TTC39C: variants seen among roughly 807,000 people sequenced by gnomAD.
The protein encoded by TTC39C is tetratricopeptide repeat domain 39C.
TTC39C carries 33 observed loss-of-function variants against 76.3 expected under a neutral mutation model. The ratio of observed to expected loss-of-function variants is 0.43; its 90% CI spans 0.33 to 0.58. The LOEUF (loss-of-function observed/expected upper bound fraction) is 0.58. TTC39C is among the 20% of genes least tolerant of loss of function. The probability of loss-of-function intolerance (pLI) is 0.04; values close to 1 mark genes in which losing one functional copy is unlikely to be tolerated. For synonymous variants in TTC39C, 254 were observed against 260.6 expected (o/e 0.97, Z 0.24); for missense variants, 595 against 701.4 (o/e 0.85, Z 1.71).
At chr18:24,128,859 G>C in intron 10 of TTC39C, 27 bp from the exon 11 acceptor site, 2 of 1,580,810 alleles carry the variant, frequency 1.3e-6, no homozygotes, top group Non-Finnish European at 1.7e-6. Context: ...TTTGCTTACT[G>C]CTCTGTTCAC....
chr18:24,022,543 C>G (rs1054757550), intron 1 of TTC39C: 1 of 985,062 alleles, frequency 1.0e-6, no homozygotes, highest in Non-Finnish European at 1.2e-6. Context: ...TCTTACAGAA[C>G]TTCTACAGTA....
At chr18:24,050,468 G>A (rs763032250) in intron 1 of TTC39C, among the ~76,000 whole-genome samples, 4 of 150,684 alleles carry the variant, frequency 2.7e-5, no homozygotes, top group African/African-American at 9.8e-5. Flanking sequence ...TACTTGGGAG[G>A]TAGGAGGATG....
chr18:24,113,489 G>A, intron 6 of TTC39C: 2 of 675,018 alleles, frequency 3.0e-6, no homozygotes, highest in Non-Finnish European at 5.4e-6. Flanking sequence ...GGAGGGGGAG[G>A]AAGCATAGAG....
rs1407858601 is a variant in TTC39C, at chr18:24,130,316, T to C, written c.1522T>C (p.Phe508Leu). ...ATAACATTTGCATTCCTTTCAGTAC[T>C]TCCAGCGAGCTGTTAAAGATGAATT... is the stretch of plus-strand genomic sequence containing the variant. Reference protein sequence around the residue: ...LGNSEDAVQYFQRAVKDELCR... With the variant: ...LGNSEDAVQYLQRAVKDELCR... Residue 508 changes from phenylalanine to leucine, a missense_variant, in exon 12 of 14, where the codon TTC becomes CTC. Transcript: ENST00000317571. 1 of 1,556,938 alleles carries C rather than the reference T, an allele frequency of 6.4e-7. No individual in the cohort carries two copies. Among genetic ancestry groups the C allele is most frequent in the East Asian group, 2.3e-5 (1 of 43,254 alleles).
intron 1 of TTC39C, among the ~76,000 whole-genome samples, chr18:24,058,949 C>T (rs2084053920): frequency 6.6e-6 from 1 of 152,048 alleles, no homozygotes. Flanking sequence ...AGATTTTGGC[C>T]ATCTTTTTAG....
At chr18:24,100,594 G>T (rs971221805) in intron 6 of TTC39C, among the ~76,000 whole-genome samples, 4 of 152,254 alleles carry the variant, frequency 2.6e-5, no homozygotes, top group African/African-American at 9.6e-5. Flanking sequence ...TGTGGCCAGA[G>T]TGGAGGGCAT....
Position 24,131,939 on chromosome 18 carries a change from C to G in TTC39C, c.1662+19C>G, listed in dbSNP as rs144630715. Reference sequence around the variant, plus strand: ...AGCAAAGGTAAATATCCTGAATCTACCTTTCTCCAGTGGCCCTTCTTATCC... The same window carrying G: ...AGCAAAGGTAAATATCCTGAATCTAGCTTTCTCCAGTGGCCCTTCTTATCC... On this transcript the variant is annotated intron_variant, in intron 13 of 13. Transcript: ENST00000317571. The G allele has an allele frequency of 5.6e-6, 9 of 1,612,040 alleles. No homozygotes were observed. In the East Asian group the frequency reaches 2.0e-4, roughly 36 times the overall value.
At chr18:23,997,052 T>C (rs1315149991) in intron 1 of TTC39C, among the ~76,000 whole-genome samples, 2 of 151,792 alleles carry the variant, frequency 1.3e-5, no homozygotes, top group Non-Finnish European at 2.9e-5. Context: ...GAGGTTACAG[T>C]GAGCCGAGAT....
intron 1 of TTC39C, among the ~76,000 whole-genome samples, chr18:24,036,435 C>T (rs569194987): frequency 4.6e-5 from 7 of 152,154 alleles, no homozygotes; most frequent in Admixed American, 2.6e-4. Context: ...TCTTTCACCT[C>T]GCTGGTTAAG....
At position 24,050,155 on chromosome 18, in the gene TTC39C, C is replaced by T. The variant is rs1951380627; in HGVS notation, c.168-13985C>T. Among the ~76,000 whole-genome samples the T allele has an allele frequency of 2.6e-5, 4 of 152,228 alleles. No homozygotes were observed. The South Asian group carries it at 8.3e-4, about 32-fold the overall frequency. Reference sequence around the variant, plus strand: ...CTGGTCAGGCACTCGTATCCCCTGTCCTGTTCACCATTTCTCCTTTCTCAT... The same window carrying T: ...CTGGTCAGGCACTCGTATCCCCTGTTCTGTTCACCATTTCTCCTTTCTCAT... On this transcript the variant is annotated intron_variant, in intron 1 of 13. Transcript: ENST00000317571.
chr18:24,091,460 C>T (rs2084515440), intron 6 of TTC39C, among the ~76,000 whole-genome samples: 1 of 152,098 alleles, frequency 6.6e-6, no homozygotes, highest in Admixed American at 6.5e-5. Flanking sequence ...TGAGTATTCA[C>T]AGATGCAAAA....
chr18:24,104,721 T>TGTGA lies in TTC39C; in HGVS notation c.985-9832_985-9831insTGAG, dbSNP rs1352635739. ...GTGTGTGTGTGTGTGTGTGTGTGTG[T>TGTGA]GACTGTGCATGTGTGTGTGTGTGAT... On this transcript the variant is annotated intron_variant, in intron 6 of 13. Coordinates refer to ENST00000317571, the MANE Select transcript of TTC39C (RefSeq NM_001135993.2). Among the ~76,000 whole-genome samples the TGTGA allele has an allele frequency of 5.7e-4, 86 of 150,620 alleles. 2 individuals are homozygous for TGTGA. In the South Asian group the frequency reaches 0.017, roughly 31 times the overall value.
At chr18:24,046,784 A>G (rs2083891074) in intron 1 of TTC39C, among the ~76,000 whole-genome samples, 1 of 151,864 alleles carries the variant, frequency 6.6e-6, no homozygotes, top group Admixed American at 6.5e-5. Context: ...AAAGATTTGC[A>G]CCAATTTTCA....
intron 5 of TTC39C, among the ~76,000 whole-genome samples, chr18:24,081,846 G>T (rs2084378579): frequency 6.6e-6 from 1 of 151,958 alleles, no homozygotes; most frequent in Admixed American, 6.6e-5. Flanking sequence ...GTGATCATTT[G>T]TCTGTTTATA....
chr18:24,045,895 A>ATATATATATATATGTATATGTATATGTG (rs1555769926), intron 1 of TTC39C, among the ~76,000 whole-genome samples: 1 of 42,376 alleles, frequency 2.4e-5, no homozygotes, highest in Non-Finnish European at 3.9e-5. Context: ...CTGTGAAAAT[A>ATATATATATATATGTATATGTATATGTG]TATATATATA....
At chr18:24,091,823 C>T (rs1306009389) in intron 6 of TTC39C, among the ~76,000 whole-genome samples, 2 of 151,984 alleles carry the variant, frequency 1.3e-5, no homozygotes, top group African/African-American at 2.4e-5. Flanking sequence ...GGCGCGGTGG[C>T]TCACGCCTGT....
At chr18:24,116,236 T>C (rs5018693) in intron 7 of TTC39C, among the ~76,000 whole-genome samples, 61,217 of 152,162 alleles carry the variant, frequency 0.4, 12,654 homozygotes, top group African/African-American at 0.5. Context: ...CCGCTATCTA[T>C]GCTAGGATAA....
intron 1 of TTC39C, among the ~76,000 whole-genome samples, chr18:24,059,249 C>CTTAATTTTGTAACTT (rs2145723579): frequency 1.3e-5 from 2 of 152,204 alleles, no homozygotes; most frequent in African/African-American, 4.8e-5. Context: ...GGTACATGTG[C>CTTAATTTTGTAACTT]AGTTTTGTTA....
chr18:24,061,332 G>T (rs2084097663), intron 1 of TTC39C, among the ~76,000 whole-genome samples: 1 of 150,986 alleles, frequency 6.6e-6, no homozygotes, highest in African/African-American at 2.4e-5. Flanking sequence ...GGGTTCTAAT[G>T]CTTATACTCA....
Sources: allele counts gnomAD v4.1 joint callset (sites outside exome capture counted in the v4.1 genomes callset), GRCh38; gene constraint gnomAD v4.1.1; transcripts MANE v1.5; gene names NCBI Gene and HGNC (gene_info 2026-07-23, HGNC 2026-07-21).